The following KCNG2 variants were observed in gnomAD, a reference collection of about 807,000 sequenced individuals.
KCNG2 encodes potassium voltage-gated channel modifier subfamily G member 2.
KCNG2 carries 7 observed loss-of-function variants against 12.3 expected under a neutral mutation model. That is an observed-to-expected ratio of 0.57 (90% confidence interval 0.32 to 1.07). The LOEUF (loss-of-function observed/expected upper bound fraction) is 1.07. Among genes scored for constraint, KCNG2 ranks in the 50% least tolerant of loss-of-function variants. The pLI is 0.04. For missense variants in KCNG2, 703 were observed against 726.0 expected (o/e 0.97, Z 0.36); for synonymous variants, 414 against 351.4 (o/e 1.18, Z -1.99).
In KCNG2 at chr18:79,800,359, G is replaced by A. The variant is rs1407541881; in HGVS notation, c.-115+2345G>A. The stretch of plus-strand genomic sequence containing the variant: ...CGCTTGGTCAGGGATGTTCTTGGTG[G>A]TAAGGAAAGGAGCCATGGGGCCCTT... On this transcript the variant is annotated intron_variant, in intron 1 of 3. Transcript: ENST00000316249. This position sits in a 1 kb window ranked among gnomAD's most constrained non-coding sequence, Gnocchi z 4.0. Among the ~76,000 whole-genome samples the A allele has an allele frequency of 6.6e-6, 1 of 152,178 alleles. No individual in the cohort carries two copies. Among genetic ancestry groups the A allele is most frequent in the Non-Finnish European group, 1.5e-5 (1 of 68,024 alleles).
At chr18:79,839,328 C>A (rs1978391339) in intron 1 of KCNG2, among the ~76,000 whole-genome samples, 1 of 151,998 alleles carries the variant, frequency 6.6e-6, no homozygotes, top group Admixed American at 6.6e-5. Flanking sequence ...TCCTGGCAAG[C>A]CCAACAAAAT....
At chr18:79,836,297 TA>T (rs1262792216) in intron 1 of KCNG2, among the ~76,000 whole-genome samples, 2 of 152,338 alleles carry the variant, frequency 1.3e-5, no homozygotes, top group East Asian at 3.9e-4. Context: ...AAACGTTATG[TA>T]AAAATGAAGG....
At chr18:79,854,231 C>A (rs149745187) in intron 1 of KCNG2, among the ~76,000 whole-genome samples, 1 of 152,224 alleles carries the variant, frequency 6.6e-6, no homozygotes, top group Admixed American at 6.5e-5. Flanking sequence ...GTCCCAGCCC[C>A]GTTCACCAGA....
chr18:79,876,472 G>C (rs1456380538), intron 3 of KCNG2, among the ~76,000 whole-genome samples: 4 of 152,262 alleles, frequency 2.6e-5, no homozygotes, highest in Admixed American at 6.5e-5. Flanking sequence ...GTGGAAACCA[G>C]CGGCCCAGGG....
rs1014140770 is a variant in KCNG2 at position 79,884,010 on chromosome 18, A to G, written c.625-15030A>G. On this transcript the variant is annotated intron_variant, in intron 3 of 3. Coordinates refer to ENST00000316249, the MANE Select transcript of KCNG2 (RefSeq NM_012283.2). The surrounding 1 kb of genome is among the most constrained non-coding windows in gnomAD (Gnocchi z 5.5). ...GACCGTCCCCCGCCCCCGTCTAGCCAGTCCCCACGTCCTGACGTTTCTATC... is the reference window on the plus strand; with the variant it reads ...GACCGTCCCCCGCCCCCGTCTAGCCGGTCCCCACGTCCTGACGTTTCTATC... Among the ~76,000 whole-genome samples the G allele has an allele frequency of 2.0e-4, 19 of 95,394 alleles. No individual in the cohort carries two copies. The highest frequency in any genetic ancestry group is 1.3e-3 in the Admixed American group (10 of 7,756). The allele number at this position is 95,394 out of a possible 152,430, so 62.6% of individuals were successfully genotyped here. A position where few individuals can be genotyped will look rare whatever the true frequency, so the allele number is the denominator to read the frequency against.
At chr18:79,817,562 T>C (rs1446398937) in intron 1 of KCNG2, among the ~76,000 whole-genome samples, 1 of 152,084 alleles carries the variant, frequency 6.6e-6, no homozygotes, top group Non-Finnish European at 1.5e-5. Context: ...GGTTTGCACA[T>C]GGTTTGCACA....
At chr18:79,846,404 C>A in intron 1 of KCNG2, among the ~76,000 whole-genome samples, 1 of 143,020 alleles carries the variant, frequency 7.0e-6, no homozygotes. Flanking sequence ...AAGAGTGAGA[C>A]TCTGTCTCAG....
chr18:79,825,712 T>C (rs990155301), intron 1 of KCNG2, among the ~76,000 whole-genome samples: 1 of 152,244 alleles, frequency 6.6e-6, no homozygotes, highest in African/African-American at 2.4e-5. Context: ...TTTCTTTCTG[T>C]AAAAACCCGT....
At position 79,884,255 on chromosome 18, in the gene KCNG2, G is replaced by A. The variant is rs964209666; in HGVS notation, c.625-14785G>A. Among the ~76,000 whole-genome samples, 22 of 98,280 alleles carry A rather than the reference G, an allele frequency of 2.2e-4. No individual in the cohort carries two copies. In the East Asian group the frequency reaches 4.3e-3, roughly 19 times the overall value. The allele number at this position is 98,280 out of a possible 152,430, so 64.5% of individuals were successfully genotyped here. A position where few individuals can be genotyped will look rare whatever the true frequency, so the allele number is the denominator to read the frequency against. On this transcript the variant is annotated intron_variant, in intron 3 of 3. Coordinates refer to ENST00000316249, the MANE Select transcript of KCNG2 (RefSeq NM_012283.2). The surrounding 1 kb of genome is among the most constrained non-coding windows in gnomAD (Gnocchi z 5.5). ...TGTCCCTGTTCTCAGCCCTCCTCCC[G>A]CCCCTCCCTGTGGGCCCCACACCTG...
At chr18:79,897,497 G>A (rs1981020674) in intron 3 of KCNG2, among the ~76,000 whole-genome samples, 1 of 152,124 alleles carries the variant, frequency 6.6e-6, no homozygotes, top group South Asian at 2.1e-4. Flanking sequence ...TTAGTTTTGT[G>A]AACATATTGA....
rs1191261749 is a variant in KCNG2, at chr18:79,863,723, T to A, written c.56T>A (p.Val19Asp). 8.3e-7 allele frequency: 1 copy of A among 1,204,948 alleles called. No individual in the cohort carries two copies. The highest frequency in any genetic ancestry group is 1.6e-5 in the African/African-American group (1 of 62,944). 74.6% of individuals were successfully genotyped at this position (1,204,948 alleles called of 1,614,324 possible). ...GGCGGCGGGACCCGCGCCCGGCACG[T>A]CATCATCAACGTGGGCGGCTGCCGC... ...GGGGGTRARH[V>D]IINVGGCRVR... The change falls in exon 3 of 4, where the codon GTC becomes GAC. Residue 19 changes from valine (V) to aspartate (D), a missense_variant. Physicochemically the swap from Val to Asp is radical, Grantham distance 152. Coordinates refer to ENST00000316249, the MANE Select transcript of KCNG2 (RefSeq NM_012283.2).
chr18:79,887,478 C>T (rs1335773639), intron 3 of KCNG2, among the ~76,000 whole-genome samples: 1 of 152,114 alleles, frequency 6.6e-6, no homozygotes, highest in African/African-American at 2.4e-5. Context: ...CCTGAATTTG[C>T]CAACTCCTGG....
At chr18:79,814,283 A>T (rs1405423803) in intron 1 of KCNG2, among the ~76,000 whole-genome samples, 1 of 152,246 alleles carries the variant, frequency 6.6e-6, no homozygotes, top group East Asian at 1.9e-4. Context: ...ATATATTCAC[A>T]TAAAAACCTA....
chr18:79,826,972 T>C (rs960846896), intron 1 of KCNG2, among the ~76,000 whole-genome samples: 1 of 152,276 alleles, frequency 6.6e-6, no homozygotes, highest in Non-Finnish European at 1.5e-5. Flanking sequence ...TTACAGTTTC[T>C]AGGAAATTCG....
At chr18:79,809,442 C>T (rs533064558) in intron 1 of KCNG2, among the ~76,000 whole-genome samples, 6 of 146,274 alleles carry the variant, frequency 4.1e-5, no homozygotes, top group South Asian at 4.5e-4. Flanking sequence ...CCAGAGTCCT[C>T]GCCCTGAGGA....
chr18:79,870,675 A>T lies in KCNG2; in HGVS notation c.624+6384A>T, dbSNP rs1195128461. Among the ~76,000 whole-genome samples, 5 of 152,132 alleles carry T rather than the reference A, an allele frequency of 3.3e-5. No homozygotes were observed. The South Asian group carries it at 1.0e-3, about 32-fold the overall frequency. On this transcript the variant is annotated intron_variant, in intron 3 of 3. Transcript: ENST00000316249. ...ATTCAGGCTGATTTTTGGCTCTGTG[A>T]ATTGATTTTTTCTTTTAAACTCACA... is the stretch of plus-strand genomic sequence containing the variant.
intron 1 of KCNG2, among the ~76,000 whole-genome samples, chr18:79,808,203 C>T (rs1357640086): frequency 1.5e-5 from 1 of 67,900 alleles, no homozygotes; most frequent in East Asian, 7.5e-4. Context: ...GCTGCCGGGG[C>T]CTCGCTGACC....
At chr18:79,821,476 G>A (rs144569723) in intron 1 of KCNG2, among the ~76,000 whole-genome samples, 1,624 of 152,066 alleles carry the variant, frequency 0.011, 23 homozygotes, top group Non-Finnish European at 0.016. Flanking sequence ...TTTTAGTAGA[G>A]ACGGGGTTTC....
At chr18:79,816,465 C>G (rs945221979) in intron 1 of KCNG2, 1 of 152,112 alleles carries the variant, frequency 6.6e-6, no homozygotes, top group African/African-American at 2.4e-5. Context: ...CCTGCACGGG[C>G]GCTCTTTTCC....
Sources: gnomAD v4.1 joint callset for allele counts (sites outside exome capture counted in the v4.1 genomes callset) on GRCh38, gnomAD v4.1.1 for gene constraint, Gnocchi (gnomAD v3.1) non-coding constraint, MANE v1.5 for transcripts, NCBI Gene and HGNC (gene_info 2026-07-23, HGNC 2026-07-21) for gene names.